RAB9B: variants seen among roughly 807,000 people sequenced by gnomAD.
RAB9B encodes ras-related protein Rab-9B.
A neutral mutation model predicts 8.9 loss-of-function variants in RAB9B; 1 was observed. The ratio of observed to expected loss-of-function variants is 0.11; its 90% CI spans 0.04 to 0.53. The LOEUF (loss-of-function observed/expected upper bound fraction) is 0.53, where lower values mean the gene tolerates loss of function less well. Ranked by LOEUF, RAB9B falls within the 20% of genes least tolerant of loss-of-function variation. The pLI is 0.93. For synonymous variants in RAB9B, 63 were observed against 57.0 expected (o/e 1.10, Z -0.47); for missense variants, 82 against 152.9 (o/e 0.54, Z 2.45).
chrX:103,827,767 A>G (rs1289915240), intron 1 of RAB9B, among the ~76,000 whole-genome samples: 1 of 111,486 alleles, frequency 9.0e-6, no homozygotes, highest in Non-Finnish European at 1.9e-5. Flanking sequence ...CCTGGGCTCA[A>G]GTAATCTTCC....
At chrX:103,786,930 C>T in the RAB9B span, 2 of 449,617 alleles carry the variant, frequency 4.4e-6, no homozygotes, top group Non-Finnish European at 7.8e-6. Context: ...GTTCCCTAAG[C>T]AAATTTCTTC....
chrX:103,821,362 A>C (rs961933902), downstream of RAB9B, among the ~76,000 whole-genome samples: 7 of 110,394 alleles, frequency 6.3e-5, no homozygotes, highest in Admixed American at 1.9e-4. Flanking sequence ...CAAAAAAAAA[A>C]AAAAAAAATC....
At chrX:103,790,520 C>T in the RAB9B span, 1 of 1,194,344 alleles carries the variant, frequency 8.4e-7, no homozygotes, top group South Asian at 1.8e-5. Context: ...TCTTCTGTTC[C>T]CTACAGCTCA....
chrX:103,804,261 C>T, the RAB9B span, among the ~76,000 whole-genome samples: 1 of 111,763 alleles, frequency 8.9e-6, no homozygotes, highest in Admixed American at 9.5e-5. Context: ...TTATTCTTTC[C>T]CCCATTAAAT....
At chrX:103,802,252 C>CAGAG in the RAB9B span, among the ~76,000 whole-genome samples, 1 of 94,379 alleles carries the variant, frequency 1.1e-5, no homozygotes, top group Non-Finnish European at 2.1e-5. Flanking sequence ...GGGAGAGAGA[C>CAGAG]AGAGAGAGAG....
chrX:103,805,413 G>C, the RAB9B span, among the ~76,000 whole-genome samples: 574 of 111,531 alleles, frequency 5.1e-3, 3 homozygotes, highest in African/African-American at 0.017. Context: ...GAGGATGTTT[G>C]CATCTATATT....
the RAB9B span, among the ~76,000 whole-genome samples, chrX:103,805,601 T>C: frequency 1.8e-5 from 2 of 111,898 alleles, no homozygotes; most frequent in African/African-American, 6.5e-5. Flanking sequence ...TGTCTGGTCC[T>C]GGACTTTGTG....
At chrX:103,820,875 G>A (rs1235447639), downstream of RAB9B, among the ~76,000 whole-genome samples, 1 of 108,785 alleles carries the variant, frequency 9.2e-6, no homozygotes, top group African/African-American at 3.4e-5. Flanking sequence ...GCTTGAGTCC[G>A]GGAGGCCGAG....
the RAB9B span, among the ~76,000 whole-genome samples, chrX:103,812,672 G>C: frequency 8.9e-6 from 1 of 111,863 alleles, no homozygotes; most frequent in East Asian, 2.8e-4. Flanking sequence ...TTCCTTTTGG[G>C]AGGAGCAACA....
downstream of RAB9B, among the ~76,000 whole-genome samples, chrX:103,819,765 G>A (rs1348093085): frequency 2.7e-5 from 3 of 112,040 alleles, no homozygotes; most frequent in Admixed American, 1.9e-4. Flanking sequence ...AAGAATGAGA[G>A]CTCTTTTGGT....
intron 1 of RAB9B, among the ~76,000 whole-genome samples, chrX:103,831,357 A>T (rs1049890345): frequency 9.5e-6 from 1 of 105,404 alleles, no homozygotes; most frequent in African/African-American, 3.5e-5. Context: ...ATCCATGCCG[A>T]CTCCAAATGC....
At chrX:103,813,253 G>A in the RAB9B span, among the ~76,000 whole-genome samples, 27 of 110,242 alleles carry the variant, frequency 2.4e-4, no homozygotes, top group African/African-American at 8.2e-4. Context: ...GAAGGGATTG[G>A]ATCTAAGCAT....
the RAB9B span, chrX:103,780,149 G>A: frequency 8.9e-6 from 1 of 112,942 alleles, no homozygotes; most frequent in South Asian, 3.6e-4. Context: ...TGGCCTCTGA[G>A]CTGTCTGCCA....
chrX:103,789,165 A>G, the RAB9B span: 3 of 506,499 alleles, frequency 5.9e-6, no homozygotes, highest in Non-Finnish European at 1.1e-5. Context: ...TATGGTGTAC[A>G]CTGAAGACTG....
At chrX:103,796,630 T>C in the RAB9B span, among the ~76,000 whole-genome samples, 1 of 110,050 alleles carries the variant, frequency 9.1e-6, no homozygotes, top group African/African-American at 3.3e-5. Context: ...CAGAAGCAAC[T>C]ATTATCCTTC....
chrX:103,826,843 T>C (rs2074685231), intron 2 of RAB9B, among the ~76,000 whole-genome samples, 162 bp downstream of exon 2: 1 of 111,803 alleles, frequency 8.9e-6, no homozygotes, highest in Non-Finnish European at 1.9e-5. Context: ...AAACAGTTTC[T>C]GGAAGCACAC....
the RAB9B span, among the ~76,000 whole-genome samples, chrX:103,812,269 G>C: frequency 9.0e-6 from 1 of 111,689 alleles, no homozygotes. Context: ...TCACATGGAA[G>C]ATTAAGTTTT....
At chrX:103,791,186 A>G in the RAB9B span, 1 of 118,363 alleles carries the variant, frequency 8.4e-6, no homozygotes, top group Non-Finnish European at 1.8e-5. Flanking sequence ...TCTTTCACCC[A>G]CAGAAAGAGA....
the RAB9B span, among the ~76,000 whole-genome samples, chrX:103,796,839 C>T: frequency 0.067 from 5,589 of 83,976 alleles, 217 homozygotes; most frequent in Middle Eastern, 0.2. Context: ...AGCGAGACAC[C>T]GCCTCTACAA....
Sources: gnomAD v4.1 joint callset for allele counts (sites outside exome capture counted in the v4.1 genomes callset) on GRCh38, gnomAD v4.1.1 for gene constraint, MANE v1.5 for transcripts, NCBI Gene and HGNC (gene_info 2026-07-23, HGNC 2026-07-21) for gene names.